The following GPM6A variants were observed in gnomAD, a reference collection of about 807,000 sequenced individuals.
GPM6A encodes the protein neuronal membrane glycoprotein M6-a.
In GPM6A, 7 loss-of-function variants were observed where a neutral mutation model predicts 32.1. The ratio of observed to expected loss-of-function variants is 0.22; its 90% CI spans 0.12 to 0.41. GPM6A has a LOEUF of 0.41. Among genes scored for constraint, GPM6A ranks in the 10% least tolerant of loss-of-function variants. GPM6A has a pLI of 1.00. For missense variants in GPM6A, 235 were observed against 347.2 expected, an observed-to-expected ratio of 0.68 and a Z score of 2.57; for synonymous variants, 130 against 123.4, an observed-to-expected ratio of 1.05 and a Z score of -0.35.
At chr4:175,638,031 C>A (rs1427718926) in intron 6 of GPM6A, among the ~76,000 whole-genome samples, 2 of 148,370 alleles carry the variant, frequency 1.3e-5, no homozygotes, top group African/African-American at 5.0e-5. Context: ...ATTACTGTCC[C>A]TCGCTAGGTG....
intron 2 of GPM6A, among the ~76,000 whole-genome samples, chr4:175,700,271 A>T (rs1347047917): frequency 6.6e-6 from 1 of 152,200 alleles, no homozygotes; most frequent in Non-Finnish European, 1.5e-5. Flanking sequence ...TATGAAAAAC[A>T]ATTTATGAAA....
chr4:175,768,653 T>C (rs1733068331), intron 1 of GPM6A, among the ~76,000 whole-genome samples: 1 of 152,266 alleles, frequency 6.6e-6, no homozygotes, highest in African/African-American at 2.4e-5. Flanking sequence ...AAGAGTAGTT[T>C]ATGCATTTTT....
intron 1 of GPM6A, among the ~76,000 whole-genome samples, chr4:175,873,074 G>A (rs1394472989): frequency 1.3e-5 from 2 of 152,112 alleles, no homozygotes; most frequent in Non-Finnish European, 2.9e-5. Flanking sequence ...CTGGGTCTGT[G>A]TGTGTTTTAG....
Position 175,701,437 on chromosome 4 carries a change from C to T in GPM6A, c.230+138G>A, listed in dbSNP as rs184260946. ...GAAGGCAATCATGAATCATGATTAC[C>T]CTTTTGAATCAGGTATACCCTAAAA... is the stretch of plus-strand genomic sequence containing the variant. On this transcript the variant is annotated intron_variant, in intron 2 of 6. Transcript: ENST00000393658. 374 of 651,414 alleles carry T rather than the reference C, an allele frequency of 5.7e-4. 1 individual carries two copies. The highest frequency in any genetic ancestry group is 1.5e-3 in the South Asian group (76 of 50,406). 40.4% of individuals were successfully genotyped at this position (651,414 alleles called of 1,614,324 possible).
intron 1 of GPM6A, among the ~76,000 whole-genome samples, chr4:175,772,490 G>A (rs1449757060): frequency 6.6e-6 from 1 of 152,172 alleles, no homozygotes; most frequent in Non-Finnish European, 1.5e-5. Context: ...ATAGATCACA[G>A]AAGAAGGAGC....
intron 1 of GPM6A, among the ~76,000 whole-genome samples, chr4:175,864,002 G>GA (rs949809549): frequency 2.5e-4 from 37 of 147,668 alleles, no homozygotes; most frequent in Non-Finnish European, 4.8e-4. Flanking sequence ...CCCTGTCTCC[G>GA]AAAAAAAAAG....
At chr4:175,838,094 CACACACACACACACACAG>C (rs1365198986) in intron 1 of GPM6A, among the ~76,000 whole-genome samples, 17 of 76,720 alleles carry the variant, frequency 2.2e-4, no homozygotes, top group Middle Eastern at 6.3e-3. Flanking sequence ...GGTTAAAACA[CACACACACACACACACAG>C]ACACACACAC....
chr4:175,923,318 G>A (rs971411999), intron 1 of GPM6A, among the ~76,000 whole-genome samples: 6 of 147,074 alleles, frequency 4.1e-5, no homozygotes, highest in African/African-American at 1.3e-4. Flanking sequence ...TACTGCAAAG[G>A]TAGAGAGCCA....
At chr4:175,926,261 G>C (rs1738836407) in intron 1 of GPM6A, among the ~76,000 whole-genome samples, 1 of 152,108 alleles carries the variant, frequency 6.6e-6, no homozygotes, top group Admixed American at 6.5e-5. Flanking sequence ...CCAATAAAAG[G>C]AATGCCAAAA....
At chr4:175,963,314 A>G (rs1740226046) in intron 1 of GPM6A, among the ~76,000 whole-genome samples, 2 of 152,168 alleles carry the variant, frequency 1.3e-5, no homozygotes, top group Admixed American at 1.3e-4. Context: ...AATCTCGGAG[A>G]ACACCAAGTA....
chr4:175,727,684 A>G (rs1253647938), intron 1 of GPM6A, among the ~76,000 whole-genome samples: 1 of 152,142 alleles, frequency 6.6e-6, no homozygotes, highest in Non-Finnish European at 1.5e-5. Context: ...CATTTATTCC[A>G]CTAATGTAAT....
At chr4:175,682,996 C>A (rs1743773292) in intron 2 of GPM6A, among the ~76,000 whole-genome samples, 1 of 152,134 alleles carries the variant, frequency 6.6e-6, no homozygotes, top group African/African-American at 2.4e-5. Context: ...CTCCAGACCC[C>A]AGAATAGTGG....
chr4:175,882,821 T>C (rs2111460665), intron 1 of GPM6A, among the ~76,000 whole-genome samples: 1 of 152,142 alleles, frequency 6.6e-6, no homozygotes, highest in South Asian at 2.1e-4. Flanking sequence ...ACAGATGAGG[T>C]AAGCAGTGAT....
chr4:175,640,692 C>A, intron 5 of GPM6A, 61 bp downstream of exon 5: 6 of 1,115,544 alleles, frequency 5.4e-6, no homozygotes, highest in South Asian at 1.3e-5. Flanking sequence ...AATACATTAT[C>A]CAAATAATAA....
Position 175,678,936 on chromosome 4 carries a change from T to C in GPM6A, c.231-5100A>G, listed in dbSNP as rs906293560. On this transcript the variant is annotated intron_variant, in intron 2 of 6. Coordinates refer to ENST00000393658, the MANE Select transcript of GPM6A (RefSeq NM_201591.3). ...TCTGTAACATTTTATCTCATTTACT[T>C]GATTGTTTTCTCTGGATGATATATC... Among the ~76,000 whole-genome samples the C allele has an allele frequency of 7.9e-5, 12 of 152,352 alleles. No homozygotes were observed. In the South Asian group the frequency reaches 1.2e-3, roughly 16 times the overall value.
chr4:175,822,966 C>T (rs1192101048), intron 1 of GPM6A, among the ~76,000 whole-genome samples: 2 of 152,082 alleles, frequency 1.3e-5, no homozygotes, highest in East Asian at 1.9e-4. Flanking sequence ...AATAATTTTA[C>T]AAAACTGACA....
At chr4:175,849,064 T>C (rs1016348796) in intron 1 of GPM6A, among the ~76,000 whole-genome samples, 1 of 152,220 alleles carries the variant, frequency 6.6e-6, no homozygotes, top group Admixed American at 6.5e-5. Context: ...TTTCAAAATA[T>C]GTAATTCATT....
intron 1 of GPM6A, among the ~76,000 whole-genome samples, chr4:175,917,655 G>C (rs1429833397): frequency 6.6e-6 from 1 of 152,136 alleles, no homozygotes; most frequent in Non-Finnish European, 1.5e-5. Context: ...ACCAAATGGG[G>C]AGGGGGTTGT....
intron 1 of GPM6A, among the ~76,000 whole-genome samples, chr4:175,825,347 C>T (rs185755908): frequency 7.9e-5 from 12 of 152,110 alleles, no homozygotes; most frequent in African/African-American, 2.9e-4. Flanking sequence ...GAAATCCAGC[C>T]CAAGGCTAGT....
Sources: allele counts gnomAD v4.1 joint callset (sites outside exome capture counted in the v4.1 genomes callset), GRCh38; gene constraint gnomAD v4.1.1; transcripts MANE v1.5; gene names NCBI Gene and HGNC (gene_info 2026-07-23, HGNC 2026-07-21).